Variants in SF3A1 observed in about 807,000 individuals in gnomAD.
SF3A1 encodes the protein SAP 114.
A neutral mutation model predicts 89.9 loss-of-function variants in SF3A1; 13 were observed. The ratio of observed to expected loss-of-function variants is 0.14; its 90% CI spans 0.09 to 0.23. SF3A1 has a LOEUF of 0.23. Among genes scored for constraint, SF3A1 ranks in the 10% least tolerant of loss-of-function variants. SF3A1 has a pLI of 1.00. For missense variants in SF3A1, 604 were observed against 1,022.1 expected (o/e 0.59, Z 5.58); for synonymous variants, 405 against 374.4 (o/e 1.08, Z -0.94).
intron 2 of SF3A1, among the ~76,000 whole-genome samples, chr22:30,349,259 A>C (rs909988503): frequency 1.3e-5 from 2 of 152,222 alleles, no homozygotes; most frequent in Non-Finnish European, 2.9e-5. Flanking sequence ...GTTGCAATGT[A>C]AACGATAAGT....
rs564159665 is a variant in SF3A1 at position 30,350,975 on chromosome 22, G to C, written c.185+1976C>G. Among the ~76,000 whole-genome samples, 3 of 152,344 alleles carry C rather than the reference G, an allele frequency of 2.0e-5. No homozygotes were observed. In the East Asian group the frequency reaches 5.8e-4, roughly 29 times the overall value. On this transcript the variant is annotated intron_variant, in intron 2 of 15. Transcript: ENST00000215793. ...GTAATCAAAGCCCTTGAAATGTAAT[G>C]AGATGAATCTGCAGAGCTGACATAG...
intron 5 of SF3A1, chr22:30,342,574 G>C (rs1464335000): frequency 1.3e-5 from 8 of 631,980 alleles, no homozygotes; most frequent in Non-Finnish European, 1.4e-5. Context: ...CTGTCTTCTA[G>C]CTAGAGTGGA....
intron 4 of SF3A1, among the ~76,000 whole-genome samples, chr22:30,343,699 C>T (rs144122141): frequency 3.1e-4 from 47 of 152,284 alleles, no homozygotes; most frequent in African/African-American, 1.1e-3. Flanking sequence ...GACCTTTAAC[C>T]CTGGAAGCAG....
chr22:30,337,986 G>C (rs1931127183), intron 11 of SF3A1, 89 bp from the exon 12 acceptor site: 1 of 904,892 alleles, frequency 1.1e-6, no homozygotes, highest in Non-Finnish European at 1.8e-6. Flanking sequence ...CTGCAGCTCT[G>C]AGGATGGAGG....
intron 12 of SF3A1, 119 bp downstream of exon 12, chr22:30,337,571 C>T: frequency 1.4e-6 from 1 of 717,854 alleles, no homozygotes; most frequent in Non-Finnish European, 2.5e-6. Flanking sequence ...CAGGGCTCTC[C>T]TCTGGGCTGG....
intron 11 of SF3A1, 119 bp downstream of exon 11, chr22:30,338,670 A>C (rs1931154060): frequency 3.8e-6 from 5 of 1,302,922 alleles, no homozygotes; most frequent in Non-Finnish European, 5.4e-6. Context: ...TTTCTCTTTC[A>C]AACTGACCCA....
chr22:30,354,185 G>C lies in SF3A1; in HGVS notation c.64-1113C>G, dbSNP rs565940940. ...GTCAAGTCTCTTATCTTAGAGAAAC[G>C]AAGTTTCTCCTCTGCCTTCATGTTC... On this transcript the variant is annotated intron_variant, in intron 1 of 15. Transcript: ENST00000215793. Among the ~76,000 whole-genome samples the C allele has an allele frequency of 5.9e-5, 9 of 152,228 alleles. No homozygotes were observed. In the East Asian group the frequency reaches 1.7e-3, roughly 29 times the overall value.
intron 5 of SF3A1, 71 bp downstream of exon 5, chr22:30,342,734 A>G (rs1931299957): frequency 2.0e-6 from 2 of 998,924 alleles, no homozygotes; most frequent in Non-Finnish European, 1.6e-6. Flanking sequence ...GTCCTGCCTC[A>G]GAGACTGTTT....
rs546720942 is a variant in SF3A1, at chr22:30,356,345, T to G, written c.63+385A>C. On this transcript the variant is annotated intron_variant, in intron 1 of 15. Transcript: ENST00000215793. ...TGCAGGCTGGGAAATTAGCCATTACTGGGGAAAGGCTGTGGCCGGCGGCCC... is the reference window on the plus strand; with the variant it reads ...TGCAGGCTGGGAAATTAGCCATTACGGGGGAAAGGCTGTGGCCGGCGGCCC... Among the ~76,000 whole-genome samples the G allele has an allele frequency of 9.5e-4, 144 of 152,360 alleles. 1 individual carries two copies. The highest frequency in any genetic ancestry group is 2.2e-3 in the Admixed American group (34 of 15,308).
intron 1 of SF3A1, 102 bp from the exon 2 acceptor site, chr22:30,353,174 TCA>T: frequency 6.3e-6 from 9 of 1,419,530 alleles, no homozygotes; most frequent in East Asian, 2.3e-5. Context: ...AGACTTTCAT[TCA>T]CAGACTTCCC....
chr22:30,338,703 A>T, intron 11 of SF3A1, 86 bp downstream of exon 11: 1 of 1,568,038 alleles, frequency 6.4e-7, no homozygotes, highest in Admixed American at 1.7e-5. Flanking sequence ...GCCCCACTAA[A>T]AGGCAGCTGC....
intron 7 of SF3A1, among the ~76,000 whole-genome samples, chr22:30,341,141 C>T (rs923268284): frequency 1.3e-5 from 2 of 152,188 alleles, no homozygotes; most frequent in Non-Finnish European, 2.9e-5. Flanking sequence ...AGTCGCCAAT[C>T]AATGGTAGCT....
At position 30,338,951 on chromosome 22, in the gene SF3A1, C is replaced by T. The variant is rs1220743338; in HGVS notation, c.1581G>A (p.Glu527=). ...CCAGGCCTTTGGCCTTGTGAATGGC[C>T]TCAATCTGCTCCTGGAGGGTGATGT... ...QANITLQEQI[E]AIHKAKGLVP... The change falls in exon 11 of 16, where the codon GAG becomes GAA. Residue 527 remains glutamate (E), a synonymous_variant. Transcript: ENST00000215793. 1 of 1,614,210 alleles carries T rather than the reference C, an allele frequency of 6.2e-7. No homozygotes were observed. The highest frequency in any genetic ancestry group is 2.2e-5 in the East Asian group (1 of 44,872).
intron 1 of SF3A1, among the ~76,000 whole-genome samples, chr22:30,354,032 C>T (rs1931683167): frequency 6.6e-6 from 1 of 152,240 alleles, no homozygotes; most frequent in Non-Finnish European, 1.5e-5. Context: ...TCTGCCTCTA[C>T]TCCACTGTCT....
At chr22:30,335,816 G>A in intron 13 of SF3A1, 63 bp from the exon 14 acceptor site, 1 of 1,333,588 alleles carries the variant, frequency 7.5e-7, no homozygotes, top group Admixed American at 1.7e-5. Context: ...ACTATGCTCT[G>A]CTATCCCTAG....
chr22:30,351,245 G>C (rs1331007040), intron 2 of SF3A1, among the ~76,000 whole-genome samples: 2 of 151,878 alleles, frequency 1.3e-5, no homozygotes, highest in Non-Finnish European at 2.9e-5. Context: ...GTTGCAGTGA[G>C]TTGAGACTGC....
intron 11 of SF3A1, 54 bp from the exon 12 acceptor site, chr22:30,337,951 TCA>T: frequency 1.5e-6 from 2 of 1,323,128 alleles, no homozygotes; most frequent in Non-Finnish European, 2.1e-6. Context: ...GACTCCAAGG[TCA>T]CACACAGTTG....
At chr22:30,338,732 TC>T in intron 11 of SF3A1, 56 bp downstream of exon 11, 1 of 1,609,812 alleles carries the variant, frequency 6.2e-7, no homozygotes, top group Non-Finnish European at 8.5e-7. Flanking sequence ...GCCAACAGTG[TC>T]CGACCTCAAG....
chr22:30,347,448 G>A (rs1931454547), intron 2 of SF3A1, among the ~76,000 whole-genome samples: 1 of 152,206 alleles, frequency 6.6e-6, no homozygotes, highest in Non-Finnish European at 1.5e-5. Flanking sequence ...GGCACCTTCA[G>A]ATGACAGGGG....
Sources: allele counts gnomAD v4.1 joint callset (sites outside exome capture counted in the v4.1 genomes callset), GRCh38; gene constraint gnomAD v4.1.1; transcripts MANE v1.5; gene names NCBI Gene and HGNC (gene_info 2026-07-23, HGNC 2026-07-21).